ADORA1: variants seen among roughly 807,000 people sequenced by gnomAD.
ADORA1 encodes adenosine A1 receptor, also known as adenosine receptor A1.
ADORA1 carries 6 observed loss-of-function variants against 19.9 expected under a neutral mutation model. The observed-to-expected ratio is 0.30, with a 90% CI of 0.17 to 0.59. The LOEUF (loss-of-function observed/expected upper bound fraction) is 0.59, where lower values mean the gene tolerates loss of function less well. Ranked by LOEUF, ADORA1 falls within the 20% of genes least tolerant of loss-of-function variation. The pLI is 0.87. For missense variants in ADORA1, 302 were observed against 439.2 expected, an observed-to-expected ratio of 0.69 and a Z score of 2.79; for synonymous variants, 194 against 188.4, an observed-to-expected ratio of 1.03 and a Z score of -0.24.
chr1:203,140,636 C>T (rs896418727), intron 3 of ADORA1, among the ~76,000 whole-genome samples: 1 of 152,166 alleles, frequency 6.6e-6, no homozygotes, highest in African/African-American at 2.4e-5. Context: ...AAACACCCAG[C>T]AATCCAGACA....
intron 3 of ADORA1, among the ~76,000 whole-genome samples, chr1:203,158,065 T>C (rs1014955090): frequency 1.3e-5 from 2 of 152,226 alleles, no homozygotes; most frequent in African/African-American, 4.8e-5. Flanking sequence ...TATTCTCTCC[T>C]GAACACACTT....
At chr1:203,150,743 G>A in intron 3 of ADORA1, 1 of 1,289,832 alleles carries the variant, frequency 7.8e-7, no homozygotes, top group Non-Finnish European at 1.0e-6. Flanking sequence ...GGAGCTGAGT[G>A]TGGGGGTGGA....
Position 203,128,578 on chromosome 1 carries a change from T to C in ADORA1, c.-58+146T>C, listed in dbSNP as rs972152561. ...GCCAGTGGAGGAGTGAGCGCTGCTA[T>C]TTTAAGTTGCTGAATGGAACCTCTG... On this transcript the variant is annotated intron_variant, in intron 2 of 3. Coordinates refer to ENST00000337894, the MANE Select transcript of ADORA1 (RefSeq NM_000674.3). The surrounding 1 kb of genome is among the most constrained non-coding windows in gnomAD (Gnocchi z 5.9). 1.8e-5 allele frequency: 16 copies of C among 897,356 alleles called. No individual in the cohort carries two copies. Among genetic ancestry groups the C allele is most frequent in the Admixed American group, 9.1e-5 (3 of 33,124 alleles). The allele number at this position is 897,356 out of a possible 1,614,324, so 55.6% of individuals were successfully genotyped here. A position where few individuals can be genotyped will look rare whatever the true frequency, so the allele number is the denominator to read the frequency against.
intron 3 of ADORA1, among the ~76,000 whole-genome samples, chr1:203,146,325 G>T (rs1393997292): frequency 6.6e-6 from 1 of 152,114 alleles, no homozygotes; most frequent in Non-Finnish European, 1.5e-5. Context: ...TAGGCTGAGG[G>T]CAAGACAGAA....
intron 3 of ADORA1, among the ~76,000 whole-genome samples, chr1:203,130,837 CTT>C (rs1423678036): frequency 6.6e-6 from 1 of 152,216 alleles, no homozygotes; most frequent in Non-Finnish European, 1.5e-5. Flanking sequence ...GAACAGCAGA[CTT>C]ATTCCTTCAG....
In ADORA1 at chr1:203,165,309, CT is replaced by C; in HGVS notation, c.391del (p.Cys131AlafsTer10). On this transcript the variant is annotated frameshift_variant, in exon 4 of 4. Transcript: ENST00000337894. LOFTEE classifies it high-confidence loss of function. The surrounding 1 kb of genome is among the most constrained non-coding windows in gnomAD (Gnocchi z 5.9). Reference sequence around the variant, plus strand: ...GGAGGGCGGCGGTGGCCATAGCCGGCTGCTGGATCCTCTCCTTCGTGGTGGG... The same window carrying C: ...GGAGGGCGGCGGTGGCCATAGCCGGCGCTGGATCCTCTCCTTCGTGGTGGG... Reference protein sequence around the residue: ...PRRAAVAIAGCWILSFVVGLT... With the variant: ...PRRAAVAIAGXWILSFVVGLT... 6.4e-7 allele frequency: 1 copy of C among 1,568,134 alleles called. No individual in the cohort carries two copies. The highest frequency in any genetic ancestry group is 8.6e-7 in the Non-Finnish European group (1 of 1,157,234).
intron 3 of ADORA1, chr1:203,150,487 C>A: frequency 1.6e-6 from 1 of 632,976 alleles, no homozygotes; most frequent in Non-Finnish European, 2.3e-6. Flanking sequence ...GCAAAGAGAG[C>A]ATCAGGAGAT....
At chr1:203,162,479 A>T (rs960410002) in intron 3 of ADORA1, among the ~76,000 whole-genome samples, 4 of 152,116 alleles carry the variant, frequency 2.6e-5, no homozygotes, top group African/African-American at 9.7e-5. Flanking sequence ...TCCATAGGTC[A>T]TCACTGCCCT....
chr1:203,164,971 T>A (rs1194828680), intron 3 of ADORA1: 1 of 1,463,972 alleles, frequency 6.8e-7, no homozygotes, highest in African/African-American at 1.4e-5. Context: ...TTTACTGTGG[T>A]CATTTCCTTG....
At chr1:203,148,459 T>C (rs1015062577) in intron 3 of ADORA1, among the ~76,000 whole-genome samples, 52 of 152,216 alleles carry the variant, frequency 3.4e-4, no homozygotes, top group African/African-American at 1.2e-3. Flanking sequence ...CCTAATGTTC[T>C]GAGAGGTGAT....
chr1:203,149,318 C>T (rs144385237), intron 3 of ADORA1, among the ~76,000 whole-genome samples: 3 of 152,192 alleles, frequency 2.0e-5, no homozygotes, highest in South Asian at 2.1e-4. Context: ...TGTGGCAGAG[C>T]GGAGTGATTT....
rs920578836 is a variant in ADORA1, at chr1:203,128,603, G to C, written c.-58+171G>C. Among the ~76,000 whole-genome samples the C allele has an allele frequency of 2.0e-5, 3 of 152,202 alleles. No homozygotes were observed. Among genetic ancestry groups the C allele is most frequent in the Non-Finnish European group, 2.9e-5 (2 of 68,028 alleles). On this transcript the variant is annotated intron_variant, in intron 2 of 3. Coordinates refer to ENST00000337894, the MANE Select transcript of ADORA1 (RefSeq NM_000674.3). This position sits in a 1 kb window ranked among gnomAD's most constrained non-coding sequence, Gnocchi z 5.9. ...TTTTAAGTTGCTGAATGGAACCTCT[G>C]GGAATGATAAAGGGAAGGGACAAAG...
At chr1:203,140,742 A>C (rs1430798238) in intron 3 of ADORA1, among the ~76,000 whole-genome samples, 1 of 152,202 alleles carries the variant, frequency 6.6e-6, no homozygotes, top group Non-Finnish European at 1.5e-5. Flanking sequence ...CAGTAGGAAC[A>C]TGAGGCTTCA....
intron 3 of ADORA1, among the ~76,000 whole-genome samples, chr1:203,146,651 G>C (rs2102750056): frequency 6.6e-6 from 1 of 151,718 alleles, no homozygotes; most frequent in African/African-American, 2.4e-5. Flanking sequence ...AAGAGAAAGA[G>C]AGAGAATACA....
chr1:203,139,512 A>C (rs1440744894), intron 3 of ADORA1, among the ~76,000 whole-genome samples: 1 of 152,218 alleles, frequency 6.6e-6, no homozygotes, highest in Non-Finnish European at 1.5e-5. Flanking sequence ...TGGGGGCAGC[A>C]TGAAGGGCCC....
At chr1:203,135,194 G>A (rs978186104) in intron 3 of ADORA1, among the ~76,000 whole-genome samples, 10 of 152,134 alleles carry the variant, frequency 6.6e-5, no homozygotes, top group South Asian at 2.1e-4. Flanking sequence ...CCCCATGCCT[G>A]GCACAGAGCA....
At chr1:203,146,423 G>A (rs1654860391) in intron 3 of ADORA1, among the ~76,000 whole-genome samples, 1 of 152,064 alleles carries the variant, frequency 6.6e-6, no homozygotes, top group East Asian at 1.9e-4. Context: ...GAACCCAGGA[G>A]TTTGAGACCA....
rs1328693281 is a variant in ADORA1 at position 203,132,082 on chromosome 1, T to C, written c.341+2900T>C. On this transcript the variant is annotated intron_variant, in intron 3 of 3. Coordinates refer to ENST00000337894, the MANE Select transcript of ADORA1 (RefSeq NM_000674.3). Reference sequence around the variant, plus strand: ...CAAGAGAGAAAAGAGATTCACACCATATAATATGATCCAGTTACAAAATTT... The same window carrying C: ...CAAGAGAGAAAAGAGATTCACACCACATAATATGATCCAGTTACAAAATTT... Among the ~76,000 whole-genome samples, 3 of 152,232 alleles carry C rather than the reference T, an allele frequency of 2.0e-5. No homozygotes were observed. In the East Asian group the frequency reaches 5.8e-4, roughly 29 times the overall value.
At chr1:203,137,166 G>A (rs989893405) in intron 3 of ADORA1, among the ~76,000 whole-genome samples, 4 of 152,208 alleles carry the variant, frequency 2.6e-5, no homozygotes, top group East Asian at 1.9e-4. Flanking sequence ...CTGAGAAGGT[G>A]CCATTTGACC....
Sources: allele counts gnomAD v4.1 joint callset (sites outside exome capture counted in the v4.1 genomes callset), GRCh38; gene constraint gnomAD v4.1.1; non-coding constraint Gnocchi (gnomAD v3.1); transcripts MANE v1.5; gene names NCBI Gene and HGNC (gene_info 2026-07-23, HGNC 2026-07-21).